The following GXYLT2 variants were observed in gnomAD, a reference collection of about 807,000 sequenced individuals.
The protein encoded by GXYLT2 is glucoside xylosyltransferase 2, also known as glycosyltransferase 8 domain containing 4.
Under a neutral mutation model 45.8 loss-of-function variants are expected in GXYLT2, and 53 were observed. That is an observed-to-expected ratio of 1.16 (90% CI 0.93 to 1.46). GXYLT2 has a LOEUF of 1.46. Among genes scored for constraint, GXYLT2 ranks in the 40% most tolerant of loss-of-function variants. The pLI, the probability that GXYLT2 is intolerant of heterozygous loss-of-function variation, is 0.00. For synonymous variants in GXYLT2, 219 were observed against 214.2 expected, an observed-to-expected ratio of 1.02 and a Z score of -0.19; for missense variants, 551 against 544.4, an observed-to-expected ratio of 1.01 and a Z score of -0.12.
At chr3:72,918,213 T>C (rs1459615228) in intron 2 of GXYLT2, among the ~76,000 whole-genome samples, 1 of 152,234 alleles carries the variant, frequency 6.6e-6, no homozygotes, top group Non-Finnish European at 1.5e-5. Context: ...TGTTTTGATT[T>C]TTTAAAACTA....
rs905096888 is a variant in GXYLT2 at position 72,888,542 on chromosome 3, G to T, written c.275+34G>T. 8 of 1,188,944 alleles carry T rather than the reference G, an allele frequency of 6.7e-6. No individual in the cohort carries two copies. The African/African-American group carries it at 9.6e-5, about 14-fold the overall frequency. The allele number at this position is 1,188,944 out of a possible 1,614,324, so 73.6% of individuals were successfully genotyped here. On this transcript the variant is annotated intron_variant, in intron 1 of 6. Transcript: ENST00000389617. ...TGGCAACCCCAGAATCCCATCTGCG[G>T]ACCCGTGTCTCGCTCCCTACACCCG...
chr3:72,919,971 C>T (rs1335134936), intron 2 of GXYLT2, among the ~76,000 whole-genome samples: 2 of 152,138 alleles, frequency 1.3e-5, no homozygotes, highest in Admixed American at 6.5e-5. Context: ...ATTGACTTAT[C>T]AGTTGTAACA....
At chr3:72,909,643 A>G (rs1203444756) in intron 2 of GXYLT2, among the ~76,000 whole-genome samples, 2 of 152,140 alleles carry the variant, frequency 1.3e-5, no homozygotes, top group African/African-American at 4.8e-5. Flanking sequence ...TTATTTGACT[A>G]TTCCCATACT....
At chr3:72,974,862 C>G in intron 6 of GXYLT2, 115 bp from the exon 7 acceptor site, 1 of 770,950 alleles carries the variant, frequency 1.3e-6, no homozygotes, top group Non-Finnish European at 2.1e-6. Context: ...TTTCACTTGT[C>G]CAAACCTGTG....
At chr3:72,972,113 TTCTC>T (rs992294189) in intron 6 of GXYLT2, among the ~76,000 whole-genome samples, 16 of 152,224 alleles carry the variant, frequency 1.1e-4, no homozygotes, top group East Asian at 7.7e-4. Flanking sequence ...TTCTCTCTCT[TTCTC>T]TCTATTTCTC....
At chr3:72,908,760 G>A (rs775471016) in intron 2 of GXYLT2, among the ~76,000 whole-genome samples, 93 of 152,240 alleles carry the variant, frequency 6.1e-4, no homozygotes, top group Non-Finnish European at 1.2e-3. Flanking sequence ...TGAATGAGAC[G>A]AGGGTCTCAC....
chr3:72,908,006 C>A (rs1709542564), intron 1 of GXYLT2: 1 of 176,494 alleles, frequency 5.7e-6, no homozygotes, highest in Non-Finnish European at 1.2e-5. Flanking sequence ...ATTTCCACGG[C>A]CTGTGCGAGT....
chr3:72,962,978 T>G (rs1710796167), intron 5 of GXYLT2, among the ~76,000 whole-genome samples: 1 of 151,318 alleles, frequency 6.6e-6, no homozygotes, highest in African/African-American at 2.4e-5. Flanking sequence ...AAAAAAACTA[T>G]TAGCAGAGCA....
chr3:72,888,250 A>AGGC lies in GXYLT2; in HGVS notation c.25_27dup (p.Ala9dup). 1.0e-6 allele frequency: 1 copy of AGGC among 993,444 alleles called. No homozygotes were observed. The highest frequency in any genetic ancestry group is 1.2e-6 in the Non-Finnish European group (1 of 838,206). 61.5% of individuals were successfully genotyped at this position (993,444 alleles called of 1,614,324 possible). On this transcript the variant is annotated inframe_insertion, in exon 1 of 7. Transcript: ENST00000389617. Reference sequence around the variant, plus strand: ...CGCCGCACCATGAAGCTCCGCAGCAAGGCGGCGGCGCTGCTCTTGCTCGCG... The same window carrying AGGC: ...CGCCGCACCATGAAGCTCCGCAGCAAGGCGGCGGCGGCGCTGCTCTTGCTCGCG...
chr3:72,939,946 C>G (rs1710270349), intron 3 of GXYLT2, among the ~76,000 whole-genome samples: 1 of 152,202 alleles, frequency 6.6e-6, no homozygotes, highest in Non-Finnish European at 1.5e-5. Flanking sequence ...CTTGGCCTCC[C>G]AGAGTGCTAG....
At chr3:72,891,064 T>C (rs915010968) in intron 1 of GXYLT2, among the ~76,000 whole-genome samples, 6 of 152,152 alleles carry the variant, frequency 3.9e-5, no homozygotes, top group Non-Finnish European at 5.9e-5. Flanking sequence ...CCTTTATTGC[T>C]TTCCTAATTC....
intron 6 of GXYLT2, among the ~76,000 whole-genome samples, chr3:72,971,482 C>T (rs888036853): frequency 6.6e-6 from 1 of 152,202 alleles, no homozygotes; most frequent in East Asian, 1.9e-4. Context: ...AATTTTGCCG[C>T]TTTCTGGTGA....
intron 3 of GXYLT2, among the ~76,000 whole-genome samples, chr3:72,950,952 C>G (rs1049231935): frequency 6.6e-6 from 1 of 152,100 alleles, no homozygotes; most frequent in African/African-American, 2.4e-5. Context: ...CCAGCAGCAT[C>G]GGGTACAGAG....
At chr3:72,928,979 G>C (rs186867681) in intron 3 of GXYLT2, 2 of 992,560 alleles carry the variant, frequency 2.0e-6, no homozygotes, top group African/African-American at 3.2e-5. Context: ...CCTCGGTACC[G>C]CCCCAAGGCC....
chr3:72,975,296 G>T lies in GXYLT2; in HGVS notation c.*137G>T. 3.7e-6 allele frequency: 2 copies of T among 542,622 alleles called. No homozygotes were observed. Among genetic ancestry groups the T allele is most frequent in the Non-Finnish European group, 6.0e-6 (2 of 335,674 alleles). 33.6% of individuals were successfully genotyped at this position (542,622 alleles called of 1,614,324 possible). On this transcript the variant is annotated 3_prime_UTR_variant, in exon 7 of 7. Transcript: ENST00000389617. ...AGTTTTAAAAACCTCGTTAAATTTT[G>T]CCAAATCAGTTGCCCCCAAAAGGGA...
chr3:72,903,875 A>G (rs1218846300), intron 1 of GXYLT2, among the ~76,000 whole-genome samples: 2 of 152,176 alleles, frequency 1.3e-5, no homozygotes, highest in Admixed American at 1.3e-4. Context: ...TTTGTTTCAA[A>G]TTGGTTTAAG....
chr3:72,957,658 A>G (rs1233713568), intron 5 of GXYLT2, among the ~76,000 whole-genome samples: 1 of 152,214 alleles, frequency 6.6e-6, no homozygotes, highest in African/African-American at 2.4e-5. Flanking sequence ...GAGGCGTGAA[A>G]CTAAATGGAA....
In GXYLT2 at chr3:72,960,049, G is replaced by T. The variant is rs1286579915; in HGVS notation, c.976+2697G>T. On this transcript the variant is annotated intron_variant, in intron 5 of 6. Transcript: ENST00000389617. ...CAACCTCTGCCTCCTGGGTTCAAGC[G>T]ATTCTTCTGCCTCAGCCTCCCGAGC... Among the ~76,000 whole-genome samples, 4 of 152,066 alleles carry T rather than the reference G, an allele frequency of 2.6e-5. No homozygotes were observed. In the South Asian group the frequency reaches 6.2e-4, roughly 24 times the overall value.
intron 1 of GXYLT2, among the ~76,000 whole-genome samples, chr3:72,907,159 T>C (rs1387456588): frequency 6.6e-6 from 1 of 152,134 alleles, no homozygotes; most frequent in Non-Finnish European, 1.5e-5. Flanking sequence ...CTCTACTGTC[T>C]TTTCCTGTGA....
Sources: allele counts gnomAD v4.1 joint callset (sites outside exome capture counted in the v4.1 genomes callset), GRCh38; gene constraint gnomAD v4.1.1; transcripts MANE v1.5; gene names NCBI Gene and HGNC (gene_info 2026-07-23, HGNC 2026-07-21).